DTNB: variants seen among roughly 807,000 people sequenced by gnomAD.
DTNB encodes the protein DTN-B.
DTNB carries 63 observed loss-of-function variants against 90.7 expected under a neutral mutation model. The observed-to-expected ratio is 0.69, with a 90% CI of 0.57 to 0.86. The LOEUF is 0.86. Ranked by LOEUF, DTNB falls within the 40% of genes least tolerant of loss-of-function variation. DTNB has a pLI of 0.00. For synonymous variants in DTNB, 277 were observed against 286.7 expected (o/e 0.97, Z 0.34); for missense variants, 744 against 807.1 (o/e 0.92, Z 0.95).
At chr2:25,661,549 A>C (rs1219262931) in intron 1 of DTNB, among the ~76,000 whole-genome samples, 2 of 152,232 alleles carry the variant, frequency 1.3e-5, no homozygotes, top group Non-Finnish European at 2.9e-5. Flanking sequence ...GGGGAAAGGA[A>C]GGGGCTATGA....
chr2:25,582,045 A>G (rs991143518), intron 6 of DTNB, among the ~76,000 whole-genome samples: 2 of 152,258 alleles, frequency 1.3e-5, no homozygotes, highest in Non-Finnish European at 2.9e-5. Context: ...GAAGAACAGG[A>G]TATAAAAAAT....
chr2:25,568,941 G>A (rs973127060), intron 8 of DTNB, among the ~76,000 whole-genome samples: 1 of 152,210 alleles, frequency 6.6e-6, no homozygotes, highest in Non-Finnish European at 1.5e-5. Context: ...CCTCGGCCAT[G>A]CTCTCCTGGA....
chr2:25,411,522 A>G (rs1376322205), intron 16 of DTNB, among the ~76,000 whole-genome samples: 1 of 152,106 alleles, frequency 6.6e-6, no homozygotes, highest in African/African-American at 2.4e-5. Flanking sequence ...CATGTGTGGG[A>G]GGGAGCCAGC....
chr2:25,468,319 T>C (rs996903713), intron 10 of DTNB, among the ~76,000 whole-genome samples: 1 of 152,200 alleles, frequency 6.6e-6, no homozygotes, highest in Non-Finnish European at 1.5e-5. Flanking sequence ...AAACATACTT[T>C]GCTTCCTGGC....
chr2:25,581,351 G>C (rs1203717003), intron 6 of DTNB, among the ~76,000 whole-genome samples: 1 of 152,104 alleles, frequency 6.6e-6, no homozygotes, highest in African/African-American at 2.4e-5. Flanking sequence ...CAAACACCTA[G>C]ACATCATTTA....
chr2:25,532,755 T>C (rs2078494291), intron 8 of DTNB, among the ~76,000 whole-genome samples: 1 of 152,248 alleles, frequency 6.6e-6, no homozygotes, highest in Admixed American at 6.5e-5. Flanking sequence ...TATTTCATTC[T>C]GCTGCCTCTG....
intron 11 of DTNB, among the ~76,000 whole-genome samples, chr2:25,453,510 A>G (rs2059574380): frequency 6.6e-6 from 1 of 152,136 alleles, no homozygotes; most frequent in African/African-American, 2.4e-5. Flanking sequence ...CCAGCCACCA[A>G]TTTTTGTTCA....
intron 3 of DTNB, among the ~76,000 whole-genome samples, chr2:25,636,537 A>G (rs1184110908): frequency 6.6e-6 from 1 of 152,158 alleles, no homozygotes; most frequent in South Asian, 2.1e-4. Context: ...TGGTTTTCGA[A>G]CTTTTTGACC....
chr2:25,421,235 C>T (rs938981829), intron 15 of DTNB: 2 of 152,178 alleles, frequency 1.3e-5, no homozygotes, highest in Admixed American at 1.3e-4. Flanking sequence ...TGAGTAAACA[C>T]TTGGAGAACA....
At chr2:25,417,510 C>G (rs2048269149) in intron 16 of DTNB, among the ~76,000 whole-genome samples, 1 of 152,182 alleles carries the variant, frequency 6.6e-6, no homozygotes, top group South Asian at 2.1e-4. Flanking sequence ...GACCAATATC[C>G]ACAATGCCTG....
intron 9 of DTNB, among the ~76,000 whole-genome samples, chr2:25,523,313 A>G (rs1002946924): frequency 1.3e-5 from 2 of 152,168 alleles, no homozygotes; most frequent in Admixed American, 6.5e-5. Flanking sequence ...TGCTGAATTA[A>G]TGAATAATTA....
chr2:25,398,419 C>G (rs1039390543), intron 16 of DTNB, among the ~76,000 whole-genome samples: 2 of 152,212 alleles, frequency 1.3e-5, no homozygotes, highest in African/African-American at 4.8e-5. Flanking sequence ...GAAGCCAGGA[C>G]AGAGCTGTCA....
rs149256993 is a variant in DTNB at position 25,515,177 on chromosome 2, C to T, written c.1001+16296G>A. On this transcript the variant is annotated intron_variant, in intron 9 of 20. Transcript: ENST00000406818. ...AAAACAAAAAGCAGAACAAACACAC[C>T]GAAAAAAAACAAGGGAGAAGAAAGG... Among the ~76,000 whole-genome samples the T allele has an allele frequency of 1.2e-3, 176 of 150,124 alleles. 1 individual carries two copies. The highest frequency in any genetic ancestry group is 8.5e-3 in the Admixed American group (128 of 15,118).
chr2:25,533,078 C>A (rs535941145), intron 8 of DTNB, among the ~76,000 whole-genome samples: 1 of 152,286 alleles, frequency 6.6e-6, no homozygotes, highest in Non-Finnish European at 1.5e-5. Flanking sequence ...AATCCCAGCA[C>A]TTTGGGAGGC....
chr2:25,426,506 C>T (rs142358275), intron 15 of DTNB: 1 of 152,352 alleles, frequency 6.6e-6, no homozygotes, highest in East Asian at 1.9e-4. Flanking sequence ...GACATGTGAG[C>T]TCCCCAGGTT....
At chr2:25,528,218 AAAAG>A (rs1469511742) in intron 9 of DTNB, among the ~76,000 whole-genome samples, 6 of 152,234 alleles carry the variant, frequency 3.9e-5, no homozygotes, top group African/African-American at 1.2e-4. Context: ...ATTCATGACA[AAAAG>A]AAAGCATTTT....
chr2:25,385,116 G>T (rs1475725233), intron 18 of DTNB, among the ~76,000 whole-genome samples: 1 of 152,062 alleles, frequency 6.6e-6, no homozygotes, highest in African/African-American at 2.4e-5. Flanking sequence ...GACCTTAGGT[G>T]ATCCACCTGC....
chr2:25,538,758 TAC>T (rs1217949632), intron 8 of DTNB, among the ~76,000 whole-genome samples: 3 of 152,112 alleles, frequency 2.0e-5, no homozygotes, highest in Admixed American at 6.5e-5. Context: ...AACTGTACAG[TAC>T]AGTTTTAAAA....
intron 12 of DTNB, among the ~76,000 whole-genome samples, chr2:25,450,041 T>C (rs1176301916): frequency 1.3e-5 from 2 of 152,162 alleles, no homozygotes; most frequent in South Asian, 4.1e-4. Context: ...GAGCAAAAGA[T>C]TTTACATTTG....
Sources: allele counts gnomAD v4.1 joint callset (sites outside exome capture counted in the v4.1 genomes callset), GRCh38; gene constraint gnomAD v4.1.1; transcripts MANE v1.5; gene names NCBI Gene and HGNC (gene_info 2026-07-23, HGNC 2026-07-21).